Variants in FHIT observed in about 807,000 individuals in gnomAD.
FHIT encodes fragile histidine triad diadenosine triphosphatase, also known as bis(5'-adenosyl)-triphosphatase.
Under a neutral mutation model 17.9 loss-of-function variants are expected in FHIT, and 19 were observed. The ratio of observed to expected loss-of-function variants is 1.06; its 90% CI spans 0.74 to 1.56. The LOEUF (loss-of-function observed/expected upper bound fraction) is 1.56, where lower values mean the gene tolerates loss of function less well. Ranked by LOEUF, FHIT falls within the 40% of genes most tolerant of loss-of-function variation. The pLI, the probability that FHIT is intolerant of heterozygous loss-of-function variation, is 0.00. For synonymous variants in FHIT, 81 were observed against 69.7 expected, an observed-to-expected ratio of 1.16 and a Z score of -0.81; for missense variants, 248 against 189.2, an observed-to-expected ratio of 1.31 and a Z score of -1.82.
At chr3:60,826,483 C>T (rs1702126964) in intron 3 of FHIT, among the ~76,000 whole-genome samples, 2 of 152,258 alleles carry the variant, frequency 1.3e-5, no homozygotes, top group Admixed American at 1.3e-4. Flanking sequence ...CGCACCACTA[C>T]GCCTGGCTAA....
At chr3:60,251,829 T>G (rs1269521605) in intron 5 of FHIT, among the ~76,000 whole-genome samples, 1 of 152,214 alleles carries the variant, frequency 6.6e-6, no homozygotes, top group Non-Finnish European at 1.5e-5. Flanking sequence ...GAACTAACTA[T>G]GTGCAAGACA....
chr3:60,902,803 C>A (rs1417950956), intron 3 of FHIT, among the ~76,000 whole-genome samples: 1 of 152,134 alleles, frequency 6.6e-6, no homozygotes, highest in Non-Finnish European at 1.5e-5. Flanking sequence ...GTTACATGAA[C>A]CTATAAAATT....
chr3:61,190,798 G>A (rs1056868407), intron 2 of FHIT, among the ~76,000 whole-genome samples: 11 of 152,000 alleles, frequency 7.2e-5, no homozygotes, highest in African/African-American at 2.7e-4. Context: ...GGATGAAGCT[G>A]GAAACCATCA....
intron 2 of FHIT, among the ~76,000 whole-genome samples, chr3:61,126,626 A>G (rs778508561): frequency 6.6e-6 from 1 of 152,214 alleles, no homozygotes; most frequent in Non-Finnish European, 1.5e-5. Context: ...CATGGGGATT[A>G]TAAGGATTAC....
At chr3:61,069,722 G>A (rs184234920) in intron 2 of FHIT, among the ~76,000 whole-genome samples, 6 of 152,260 alleles carry the variant, frequency 3.9e-5, no homozygotes, top group Non-Finnish European at 7.3e-5. Flanking sequence ...CGTATCCCCA[G>A]AATTTAGCAC....
intron 6 of FHIT, among the ~76,000 whole-genome samples, chr3:60,013,477 C>T (rs749991927): frequency 6.6e-6 from 1 of 152,198 alleles, no homozygotes; most frequent in Non-Finnish European, 1.5e-5. Flanking sequence ...GGCTCAACCT[C>T]TGCCTAAAAA....
chr3:59,765,078 C>T (rs1323623413), intron 8 of FHIT, among the ~76,000 whole-genome samples: 1 of 152,164 alleles, frequency 6.6e-6, no homozygotes, highest in Non-Finnish European at 1.5e-5. Flanking sequence ...ACTGGAGAAA[C>T]AGCCATGGCT....
At chr3:60,458,063 C>G (rs1259031513) in intron 5 of FHIT, among the ~76,000 whole-genome samples, 1 of 152,122 alleles carries the variant, frequency 6.6e-6, no homozygotes, top group Non-Finnish European at 1.5e-5. Flanking sequence ...TACCATTTGA[C>G]CCAGCCATCC....
chr3:60,392,649 T>C (rs140161542), intron 5 of FHIT, among the ~76,000 whole-genome samples: 121 of 152,306 alleles, frequency 7.9e-4, no homozygotes, highest in Middle Eastern at 3.4e-3. Context: ...AGCTTTCTAC[T>C]GAAATTTTAA....
chr3:61,036,504 G>C (rs2033248255), intron 3 of FHIT, among the ~76,000 whole-genome samples: 1 of 152,144 alleles, frequency 6.6e-6, no homozygotes, highest in African/African-American at 2.4e-5. Context: ...ACAATAATTT[G>C]ACCCAAAAGC....
At chr3:60,243,728 C>T (rs1395778034) in intron 5 of FHIT, among the ~76,000 whole-genome samples, 6 of 152,058 alleles carry the variant, frequency 3.9e-5, no homozygotes, top group Admixed American at 2.6e-4. Context: ...ATAATCTGTA[C>T]GACAGTGGCA....
intron 7 of FHIT, among the ~76,000 whole-genome samples, chr3:60,007,884 C>A (rs924332581): frequency 1.3e-5 from 2 of 152,116 alleles, no homozygotes; most frequent in Non-Finnish European, 2.9e-5. Flanking sequence ...TCAGAGAATT[C>A]TTTTATGGCA....
intron 5 of FHIT, among the ~76,000 whole-genome samples, chr3:60,214,177 TG>T (rs1471325507): frequency 6.6e-6 from 1 of 152,108 alleles, no homozygotes; most frequent in African/African-American, 2.4e-5. Flanking sequence ...TTCATTTTTT[TG>T]AAAAAGCAAT....
Position 60,336,894 on chromosome 3 carries a change from CAAA to C in FHIT, c.103+199963_103+199965del, listed in dbSNP as rs35302219. ...TGCAGTTGCATTATGTCAAAGTAAG[CAAA>C]AAAAAAAAAAAAAGTTCTTTGTCAG... On this transcript the variant is annotated intron_variant, in intron 5 of 9. Coordinates refer to ENST00000492590, the MANE Select transcript of FHIT (RefSeq NM_002012.4). Among the ~76,000 whole-genome samples, 535 of 104,820 alleles carry C rather than the reference CAAA, an allele frequency of 5.1e-3. 1 individual carries two copies. The highest frequency in any genetic ancestry group is 0.017 in the African/African-American group (508 of 30,250). The allele number at this position is 104,820 out of a possible 152,430, so 68.8% of individuals were successfully genotyped here.
intron 3 of FHIT, among the ~76,000 whole-genome samples, chr3:60,904,393 A>AATAC (rs1378408106): frequency 6.6e-6 from 1 of 152,316 alleles, no homozygotes; most frequent in Admixed American, 6.5e-5. Flanking sequence ...AAAACAAAAC[A>AATAC]ATACAAGTAT....
chr3:60,697,642 A>C (rs2041144692), intron 4 of FHIT, among the ~76,000 whole-genome samples: 1 of 152,192 alleles, frequency 6.6e-6, no homozygotes, highest in Non-Finnish European at 1.5e-5. Flanking sequence ...AAAGACAGGA[A>C]AATAAACCAC....
chr3:60,108,911 C>T (rs1264975071), intron 5 of FHIT, among the ~76,000 whole-genome samples: 1 of 152,156 alleles, frequency 6.6e-6, no homozygotes, highest in African/African-American at 2.4e-5. Context: ...GATCTGCCCA[C>T]TTCAACCTCC....
intron 5 of FHIT, among the ~76,000 whole-genome samples, chr3:60,467,573 T>C (rs419378): frequency 2.6e-5 from 4 of 151,800 alleles, no homozygotes; most frequent in Non-Finnish European, 4.4e-5. Context: ...ATTTTTTCAT[T>C]GACCCACTGG....
chr3:60,149,374 C>T (rs896003825), intron 5 of FHIT, among the ~76,000 whole-genome samples: 1 of 151,198 alleles, frequency 6.6e-6, no homozygotes, highest in African/African-American at 2.4e-5. Flanking sequence ...TGTTGATGGA[C>T]TGTATTGAAA....
Sources: allele counts gnomAD v4.1 joint callset (sites outside exome capture counted in the v4.1 genomes callset), GRCh38; gene constraint gnomAD v4.1.1; transcripts MANE v1.5; gene names NCBI Gene and HGNC (gene_info 2026-07-23, HGNC 2026-07-21).